CMSS1: variants seen among roughly 807,000 people sequenced by gnomAD.
CMSS1 encodes the protein cms1 ribosomal small subunit homolog.
Under a neutral mutation model 43.5 loss-of-function variants are expected in CMSS1, and 33 were observed. The observed-to-expected ratio is 0.76, with a 90% CI of 0.57 to 1.01. The LOEUF is 1.01. Among genes scored for constraint, CMSS1 ranks in the 50% least tolerant of loss-of-function variants. CMSS1 has a pLI of 0.00. For missense variants in CMSS1, 313 were observed against 326.4 expected (o/e 0.96, Z 0.32); for synonymous variants, 115 against 117.2 (o/e 0.98, Z 0.12).
At chr3:99,870,160 G>C (rs1011541841) in intron 1 of CMSS1, among the ~76,000 whole-genome samples, 2 of 152,070 alleles carry the variant, frequency 1.3e-5, no homozygotes, top group African/African-American at 4.8e-5. Context: ...GAAATACTTG[G>C]GGTGGATGAC....
At chr3:99,951,247 A>G (rs569913667) in intron 1 of CMSS1, among the ~76,000 whole-genome samples, 15 of 152,160 alleles carry the variant, frequency 9.9e-5, no homozygotes, top group African/African-American at 3.4e-4. Context: ...TAACCACATT[A>G]TACACTCTAG....
At chr3:100,059,618 G>C (rs1271805579) in intron 1 of CMSS1, among the ~76,000 whole-genome samples, 1 of 152,206 alleles carries the variant, frequency 6.6e-6, no homozygotes, top group Non-Finnish European at 1.5e-5. Context: ...TTGTGAGCCA[G>C]AAGGCGGGGG....
In CMSS1 at chr3:100,102,904, C is replaced by T. The variant is rs2066333551; in HGVS notation, c.65-44069C>T. 2.6e-5 allele frequency among the ~76,000 whole-genome samples: 4 copies of T among 152,224 alleles called. No individual in the cohort carries two copies. The South Asian group carries it at 8.3e-4, about 32-fold the overall frequency. ...AGCCCTGTCATCAAAAATAACCTTT[C>T]CATCTACCACTAAGTTCTGCCAGAG... On this transcript the variant is annotated intron_variant, in intron 1 of 9. Transcript: ENST00000421999.
intron 1 of CMSS1, among the ~76,000 whole-genome samples, chr3:100,081,711 G>A (rs1309323665): frequency 2.6e-5 from 4 of 152,084 alleles, no homozygotes; most frequent in African/African-American, 9.7e-5. Flanking sequence ...CAGGTAAATA[G>A]TAAATGTTAC....
chr3:100,175,179 A>G lies in CMSS1; in HGVS notation c.668-1148A>G, dbSNP rs79095799. 5.3e-4 allele frequency among the ~76,000 whole-genome samples: 80 copies of G among 152,332 alleles called. 1 individual carries two copies. The East Asian group carries it at 0.013, about 25-fold the overall frequency. On this transcript the variant is annotated intron_variant, in intron 8 of 9. Transcript: ENST00000421999. ...TGTTTCTAAATTGTTGCTATTATAA[A>G]TAATGTGGCAATGATCATTTTTGCA...
At chr3:99,963,908 G>A (rs1318047947) in intron 1 of CMSS1, among the ~76,000 whole-genome samples, 1 of 152,052 alleles carries the variant, frequency 6.6e-6, no homozygotes, top group Non-Finnish European at 1.5e-5. Flanking sequence ...GAGCCACCGC[G>A]CCCAGCCACA....
chr3:100,136,194 A>C (rs1393734716), intron 1 of CMSS1, among the ~76,000 whole-genome samples: 1 of 152,254 alleles, frequency 6.6e-6, no homozygotes, highest in Admixed American at 6.5e-5. Context: ...AGAGATCTTA[A>C]GGAGCTTGAG....
Position 99,966,526 on chromosome 3 carries a change from C to T in CMSS1, c.64+148483C>T, listed in dbSNP as rs917607856. 1.4e-4 allele frequency among the ~76,000 whole-genome samples: 21 copies of T among 152,164 alleles called. 1 individual carries two copies. The highest frequency in any genetic ancestry group is 4.6e-4 in the African/African-American group (19 of 41,430). On this transcript the variant is annotated intron_variant, in intron 1 of 9. Coordinates refer to ENST00000421999, the MANE Select transcript of CMSS1 (RefSeq NM_032359.4). ...CGTCAAAATAGTACGGAGACTTAGA[C>T]TGAGTTCACTCATCACTAACAATTA...
At position 99,997,817 on chromosome 3, in the gene CMSS1, A is replaced by G. The variant is rs189413770; in HGVS notation, c.65-149156A>G. On this transcript the variant is annotated intron_variant, in intron 1 of 9. Transcript: ENST00000421999. The stretch of plus-strand genomic sequence containing the variant: ...AGTTTTGATTTCCCTCAAATACCAA[A>G]TATCTGGCAATTTAACACATAAGTC... Among the ~76,000 whole-genome samples the G allele has an allele frequency of 6.2e-4, 95 of 152,332 alleles. 1 individual carries two copies. Among genetic ancestry groups the G allele is most frequent in the Non-Finnish European group, 1.0e-3 (68 of 68,016 alleles).
chr3:99,936,670 G>A (rs1178886107), intron 1 of CMSS1, among the ~76,000 whole-genome samples: 1 of 149,386 alleles, frequency 6.7e-6, no homozygotes, highest in Non-Finnish European at 1.5e-5. Context: ...CCTGCGCCCA[G>A]CCCGCTTGAA....
At chr3:100,105,252 A>G (rs1437983960) in intron 1 of CMSS1, among the ~76,000 whole-genome samples, 1 of 152,226 alleles carries the variant, frequency 6.6e-6, no homozygotes, top group Non-Finnish European at 1.5e-5. Flanking sequence ...GAAATAACAT[A>G]TAATTGAAGC....
At chr3:99,955,891 T>C (rs1198185246) in intron 1 of CMSS1, among the ~76,000 whole-genome samples, 1 of 152,152 alleles carries the variant, frequency 6.6e-6, no homozygotes, top group African/African-American at 2.4e-5. Flanking sequence ...TAAACGCATC[T>C]TCTCTGTTCT....
At chr3:99,824,103 A>G (rs1390576141) in intron 1 of CMSS1, among the ~76,000 whole-genome samples, 2 of 151,904 alleles carry the variant, frequency 1.3e-5, no homozygotes, top group Non-Finnish European at 2.9e-5. Context: ...TTGTATATTT[A>G]GCAGAGACGG....
chr3:100,001,691 A>G (rs994622256), intron 1 of CMSS1, among the ~76,000 whole-genome samples: 5 of 152,146 alleles, frequency 3.3e-5, no homozygotes, highest in Non-Finnish European at 5.9e-5. Context: ...CTCTCCCAAA[A>G]GAAACAGTAC....
chr3:100,167,576 A>G (rs543649481), intron 5 of CMSS1, among the ~76,000 whole-genome samples, 162 bp from the exon 6 acceptor site: 17 of 152,328 alleles, frequency 1.1e-4, no homozygotes, highest in African/African-American at 4.1e-4. Flanking sequence ...TTAATCTAAT[A>G]TTTACAATAA....
At chr3:99,929,920 C>G in intron 1 of CMSS1, 3 of 1,613,844 alleles carry the variant, frequency 1.9e-6, no homozygotes, top group Non-Finnish European at 2.5e-6. Context: ...AAAAGCATCT[C>G]TCTGGAGAGC....
intron 1 of CMSS1, among the ~76,000 whole-genome samples, chr3:99,941,945 A>C (rs532784927): frequency 6.6e-6 from 1 of 152,342 alleles, no homozygotes; most frequent in South Asian, 2.1e-4. Context: ...TGGGAAAAGA[A>C]GACTAAGGAA....
intron 1 of CMSS1, among the ~76,000 whole-genome samples, chr3:100,003,380 G>C (rs532292429): frequency 2.6e-5 from 4 of 152,288 alleles, no homozygotes; most frequent in Admixed American, 1.3e-4. Flanking sequence ...CCCTTACGTG[G>C]TTGTTTTGTC....
At chr3:99,966,192 A>T (rs182665444) in intron 1 of CMSS1, among the ~76,000 whole-genome samples, 21 of 152,288 alleles carry the variant, frequency 1.4e-4, no homozygotes, top group Admixed American at 2.6e-4. Flanking sequence ...TTGTTTCTTA[A>T]CTTGGGAGGA....
Sources: allele counts gnomAD v4.1 joint callset (sites outside exome capture counted in the v4.1 genomes callset), GRCh38; gene constraint gnomAD v4.1.1; transcripts MANE v1.5; gene names NCBI Gene and HGNC (gene_info 2026-07-23, HGNC 2026-07-21).